The following SELENOO variants were observed in gnomAD, a reference collection of about 807,000 sequenced individuals.
The protein encoded by SELENOO is protein adenylyltransferase SelO, mitochondrial.
In SELENOO, 74 loss-of-function variants were observed where a neutral mutation model predicts 58.7. The ratio of observed to expected loss-of-function variants is 1.26; its 90% confidence interval spans 1.04 to 1.53. The LOEUF is 1.53. Ranked by LOEUF, SELENOO falls within the 40% of genes most tolerant of loss-of-function variation. SELENOO has a pLI of 0.00. For missense variants in SELENOO, 1,149 were observed against 970.0 expected, an observed-to-expected ratio of 1.18 and a Z score of -2.45; for synonymous variants, 543 against 453.2, an observed-to-expected ratio of 1.20 and a Z score of -2.52.
Position 50,217,211 on chromosome 22 carries a change from C to A in SELENOO, c.1852C>A (p.Arg618=). The A allele has an allele frequency of 6.2e-7, 1 of 1,611,250 alleles. No individual in the cohort carries two copies. Among genetic ancestry groups the A allele is most frequent in the African/African-American group, 1.3e-5 (1 of 75,032 alleles). Residue 618 remains arginine, a synonymous_variant, in exon 9 of 9, where the codon CGG becomes AGG. Transcript: ENST00000380903. ...AERGDFSEVR[R]VLKLLETPYH... Reference sequence around the variant, plus strand: ...CACCCTCCTGATCCTCCAGGTGCGGCGGGTGCTGAAACTACTGGAGACCCC... The same window carrying A: ...CACCCTCCTGATCCTCCAGGTGCGGAGGGTGCTGAAACTACTGGAGACCCC...
chr22:50,210,907 G>A lies in SELENOO; in HGVS notation c.1347G>A (p.Leu449=), dbSNP rs1364361007. ...CCAAGCTCCTGGAGACCATGCATCT[G>A]ACCGGTGAGTGACCCAGCCGTGCCC... The part of the protein sequence containing the change: ...LVSKLLETMH[L]TGADFTNTFY... Residue 449 remains leucine (L), a synonymous_variant, in exon 5 of 9, where the codon CTG becomes CTA. Coordinates refer to ENST00000380903, the MANE Select transcript of SELENOO (RefSeq NM_031454.2). 1.8e-5 allele frequency: 29 copies of A among 1,613,886 alleles called. No individual in the cohort carries two copies. Among genetic ancestry groups the A allele is most frequent in the Admixed American group, 3.3e-5 (2 of 60,014 alleles).
chr22:50,207,843 G>C (rs371284343), intron 2 of SELENOO, among the ~76,000 whole-genome samples: 201 of 134,196 alleles, frequency 1.5e-3, no homozygotes, highest in Non-Finnish European at 2.7e-3. Context: ...ACTCTCCTTT[G>C]CATCTCCTCC....
Position 50,210,753 on chromosome 22 carries a change from C to T in SELENOO, c.1193C>T (p.Pro398Leu), listed in dbSNP as rs1216973083. The T allele has an allele frequency of 6.2e-7, 1 of 1,613,738 alleles. No homozygotes were observed. The highest frequency in any genetic ancestry group is 1.1e-5 in the South Asian group (1 of 91,082). ...KLAEALQPELPLELGEAILAE... is the reference protein window; with the variant it reads ...KLAEALQPELLLELGEAILAE... ...GCCGAGGCCCTGCAGCCGGAACTGC[C>T]CCTGGAGCTGGGGGAGGCCATCCTG... The change falls in exon 5 of 9, where the codon CCC becomes CTC. Residue 398 changes from proline (P) to leucine (L), a missense_variant. Pro to Leu is a moderately conservative substitution (Grantham distance 98, BLOSUM62 -3). Coordinates refer to ENST00000380903, the MANE Select transcript of SELENOO (RefSeq NM_031454.2).
At chr22:50,208,012 A>C (rs533556408) in intron 2 of SELENOO, among the ~76,000 whole-genome samples, 1 of 151,314 alleles carries the variant, frequency 6.6e-6, no homozygotes, top group African/African-American at 2.4e-5. Flanking sequence ...GGGCCTGGTC[A>C]GTGGCTGGAT....
chr22:50,210,414 G>A, intron 4 of SELENOO, 103 bp downstream of exon 4: 1 of 1,458,940 alleles, frequency 6.9e-7, no homozygotes, highest in Non-Finnish European at 9.3e-7. Flanking sequence ...TGCTTGAGGG[G>A]GAGCCGAGGG....
chr22:50,203,640 G>A (rs1341192770), intron 1 of SELENOO, among the ~76,000 whole-genome samples: 2 of 152,180 alleles, frequency 1.3e-5, no homozygotes, highest in Non-Finnish European at 2.9e-5. Context: ...TCAACAAATG[G>A]TGCTGGGAAA....
At chr22:50,213,809 G>T (rs554815179) in intron 5 of SELENOO, among the ~76,000 whole-genome samples, 2 of 54,232 alleles carry the variant, frequency 3.7e-5, no homozygotes, top group African/African-American at 4.6e-4. Flanking sequence ...CACCACGCCC[G>T]GGTAATTTTT....
intron 1 of SELENOO, among the ~76,000 whole-genome samples, chr22:50,202,787 C>T (rs777204637): frequency 2.4e-4 from 37 of 152,292 alleles, no homozygotes; most frequent in Non-Finnish European, 4.9e-4. Context: ...AGTCCTTTGA[C>T]CTTTACTCAG....
In SELENOO at chr22:50,216,801, G is replaced by A. The variant is rs186097492; in HGVS notation, c.1613G>A (p.Arg538Gln). 23 of 1,608,710 alleles carry A rather than the reference G, an allele frequency of 1.4e-5. No individual in the cohort carries two copies. The highest frequency in any genetic ancestry group is 8.3e-5 in the Admixed American group (5 of 59,988). ...CTGGAGCGTGTGGAGCAGCAGTCTC[G>A]GCTGGAGCAGCTGAGTGCGGCAGAG... Reference protein sequence around the residue: ...RELERVEQQSRLEQLSAAELQ... With the variant: ...RELERVEQQSQLEQLSAAELQ... The change falls in exon 7 of 9, where the codon CGG becomes CAG. Residue 538 changes from arginine to glutamine, a missense_variant. Arg to Gln is a conservative substitution (Grantham distance 43). Transcript: ENST00000380903.
chr22:50,217,431 CAAG>C lies in SELENOO; in HGVS notation c.*64_*66del. 2 of 1,572,478 alleles carry C rather than the reference CAAG, an allele frequency of 1.3e-6. No individual in the cohort carries two copies. Among genetic ancestry groups the C allele is most frequent in the Non-Finnish European group, 1.7e-6 (2 of 1,157,842 alleles). On this transcript the variant is annotated 3_prime_UTR_variant, in exon 9 of 9. Transcript: ENST00000380903. ...AGGCCCCCATGTGCTGCTGAGTGGC[CAAG>C]ATGATGCCAGGCTGCCCTATACACT... is the stretch of plus-strand genomic sequence containing the variant.
At chr22:50,212,317 T>G (rs1310522244) in intron 5 of SELENOO, among the ~76,000 whole-genome samples, 1 of 152,262 alleles carries the variant, frequency 6.6e-6, no homozygotes, top group East Asian at 1.9e-4. Flanking sequence ...CTTGCTTGCC[T>G]TACCTCAATT....
chr22:50,208,508 C>T (rs780141737), intron 2 of SELENOO, 28 bp from the exon 3 acceptor site: 5 of 1,604,646 alleles, frequency 3.1e-6, no homozygotes, highest in Non-Finnish European at 4.3e-6. Context: ...CAGGTTTGGG[C>T]TGTTGACGCC....
rs972279846 is a variant in SELENOO at position 50,216,892 on chromosome 22, A to G, written c.1688+16A>G. 5.0e-6 allele frequency: 8 copies of G among 1,604,874 alleles called. No individual in the cohort carries two copies. In the African/African-American group the frequency reaches 9.3e-5, roughly 19 times the overall value. On this transcript the variant is annotated intron_variant, in intron 7 of 8. Coordinates refer to ENST00000380903, the MANE Select transcript of SELENOO (RefSeq NM_031454.2). ...AGGCGTACAGGTGAGCCCTGCGTCC[A>G]TGGTCACCGGGGGACGGCGGGTCGC...
intron 1 of SELENOO, chr22:50,205,937 C>T (rs146972773): frequency 1.5e-5 from 4 of 258,674 alleles, no homozygotes; most frequent in East Asian, 2.3e-4. Context: ...TGGCCCGTAC[C>T]GGGGCACCCA....
At chr22:50,210,095 C>G in intron 3 of SELENOO, 86 bp from the exon 4 acceptor site, 1 of 1,508,268 alleles carries the variant, frequency 6.6e-7, no homozygotes, top group Non-Finnish European at 9.0e-7. Flanking sequence ...GAAGCACAGC[C>G]GGTTTCAGGG....
intron 6 of SELENOO, among the ~76,000 whole-genome samples, chr22:50,216,184 AAAGGG>A (rs1471270528): frequency 6.6e-6 from 1 of 152,206 alleles, no homozygotes; most frequent in African/African-American, 2.4e-5. Flanking sequence ...ACCATCTTCC[AAAGGG>A]AAGGGCTGCC....
Position 50,216,126 on chromosome 22 carries a change from C to T in SELENOO, c.1502+259C>T, listed in dbSNP as rs80216828. Among the ~76,000 whole-genome samples, 1,333 of 152,276 alleles carry T rather than the reference C, an allele frequency of 8.8e-3. 73 individuals carry two copies. The highest frequency in any genetic ancestry group is 0.079 in the Admixed American group (1,207 of 15,302). On this transcript the variant is annotated intron_variant, in intron 6 of 8. Transcript: ENST00000380903. ...GCTGTGGGTGGGCTTCAGAGAAAGC[C>T]TCTGGGTTTCTAGGGAGAATGGGCT...
At position 50,206,384 on chromosome 22, in the gene SELENOO, C is replaced by T; in HGVS notation, c.622C>T (p.His208Tyr). ...GTTTCTATGCAGCGAAGCCATGTTC[C>T]ACCTGGGAGTCCCCACCACACGGGC... ...REFLCSEAMF[H>Y]LGVPTTRAGA... is the part of the protein sequence containing the mutation. Residue 208 changes from histidine to tyrosine, a missense_variant, in exon 2 of 9, where the codon CAC becomes TAC. His to Tyr is a moderately conservative substitution (Grantham distance 83, BLOSUM62 2). Coordinates refer to ENST00000380903, the MANE Select transcript of SELENOO (RefSeq NM_031454.2). 17 of 1,614,156 alleles carry T rather than the reference C, an allele frequency of 1.1e-5. No homozygotes were observed. Among genetic ancestry groups the T allele is most frequent in the Non-Finnish European group, 1.4e-5 (17 of 1,180,046 alleles).
chr22:50,201,681 G>T (rs919102682), intron 1 of SELENOO, 91 bp downstream of exon 1: 108 of 985,608 alleles, frequency 1.1e-4, no homozygotes, highest in Non-Finnish European at 1.4e-4. Context: ...GCGTCCGGCG[G>T]CTACTGCCAA....
Sources: gnomAD v4.1 joint callset for allele counts (sites outside exome capture counted in the v4.1 genomes callset) on GRCh38, gnomAD v4.1.1 for gene constraint, MANE v1.5 for transcripts, NCBI Gene and HGNC (gene_info 2026-07-23, HGNC 2026-07-21) for gene names.